Variants in RABL6 observed in about 807,000 individuals in gnomAD.
The protein encoded by RABL6 is RAB, member RAS oncogene family like 6, also known as rab-like protein 6.
RABL6 carries 28 observed loss-of-function variants against 72.9 expected under a neutral mutation model. The ratio of observed to expected loss-of-function variants is 0.38; its 90% confidence interval spans 0.28 to 0.53. The LOEUF is 0.53. RABL6 is among the 20% of genes least tolerant of loss of function. The pLI is 0.80. For synonymous variants in RABL6, 477 were observed against 421.2 expected, an observed-to-expected ratio of 1.13 and a Z score of -1.62; for missense variants, 1,029 against 1,008.4, an observed-to-expected ratio of 1.02 and a Z score of -0.28.
Position 136,808,205 on chromosome 9 carries a change from C to T in RABL6, c.9C>T (p.Ser3=), listed in dbSNP as rs1421139456. MF[S]ALKKLVGSDQ... is the part of the protein sequence containing the mutation. ...GACGTCCGAGCGGGAAGATGTTTTC[C>T]GCCCTGAAGAAGCTGGTGGGGTCGG... The change falls in exon 1 of 15, where the codon TCC becomes TCT. Residue 3 remains serine (S), a synonymous_variant. Coordinates refer to ENST00000311502, the MANE Select transcript of RABL6 (RefSeq NM_024718.5). The T allele has an allele frequency of 3.9e-6, 6 of 1,537,254 alleles. No individual in the cohort carries two copies. The highest frequency in any genetic ancestry group is 2.0e-5 in the Admixed American group (1 of 50,142).
Position 136,808,081 on chromosome 9 carries a change from G to T in RABL6, c.-116G>T. The T allele has an allele frequency of 8.6e-7, 1 of 1,167,522 alleles. No homozygotes were observed. 72.3% of individuals were successfully genotyped at this position (1,167,522 alleles called of 1,614,324 possible). On this transcript the variant is annotated 5_prime_UTR_variant, in exon 1 of 15. Transcript: ENST00000311502. Reference sequence around the variant, plus strand: ...CGCCGGGACCCCGGCCTCTGGCCGCGCCGGCTCCGGCCTCCGGGGGGGCCG... The same window carrying T: ...CGCCGGGACCCCGGCCTCTGGCCGCTCCGGCTCCGGCCTCCGGGGGGGCCG...
rs781271697 is a variant in RABL6 at position 136,840,516 on chromosome 9, G to GCTCTAGGCC, written c.2185_*3dup. The GCTCTAGGCC allele has an allele frequency of 1.2e-5, 18 of 1,540,468 alleles. No homozygotes were observed. The highest frequency in any genetic ancestry group is 2.1e-4 in the Middle Eastern group (1 of 4,738). ...ACCCTGGGGGTGGCGACTACGAGGA[G>GCTCTAGGCC]CTCTAGGCCGGCGTGGGCAGTGGCC... On this transcript the variant is annotated stop_gained and inframe_insertion, in exon 15 of 15. Transcript: ENST00000311502. LOFTEE classifies it high-confidence loss of function.
At chr9:136,810,977 G>A (rs1847999401) in intron 1 of RABL6, among the ~76,000 whole-genome samples, 1 of 152,230 alleles carries the variant, frequency 6.6e-6, no homozygotes, top group South Asian at 2.1e-4. Flanking sequence ...CTCCTCCTGG[G>A]CCCTGCATTT....
intron 4 of RABL6, 124 bp downstream of exon 4, chr9:136,828,670 T>C: frequency 3.0e-6 from 3 of 1,014,592 alleles, no homozygotes; most frequent in Non-Finnish European, 4.4e-6. Context: ...CGGGGGCCGC[T>C]GGCCTTCCCA....
intron 5 of RABL6, 37 bp from the exon 6 acceptor site, chr9:136,831,684 G>A (rs544893561): frequency 6.2e-7 from 1 of 1,610,530 alleles, no homozygotes; most frequent in African/African-American, 1.3e-5. Flanking sequence ...GGCGTCGCAG[G>A]GCTGAAACTA....
chr9:136,839,551 C>G (rs758307826), intron 12 of RABL6, 65 bp downstream of exon 12: 24 of 1,568,204 alleles, frequency 1.5e-5, no homozygotes, highest in Non-Finnish European at 2.0e-5. Context: ...CAGGCCTGAT[C>G]TGGGTGGGTG....
chr9:136,824,967 G>T (rs1193644511), intron 2 of RABL6, among the ~76,000 whole-genome samples: 1 of 152,262 alleles, frequency 6.6e-6, no homozygotes, highest in Non-Finnish European at 1.5e-5. Context: ...GCCTGGCTGT[G>T]TGAGGGCCCC....
At chr9:136,814,119 C>A in intron 1 of RABL6, 1 of 342,506 alleles carries the variant, frequency 2.9e-6, no homozygotes, top group South Asian at 2.6e-5. Flanking sequence ...AGTCAGATTT[C>A]CTTGTCATAC....
chr9:136,823,814 G>T (rs1472811717), intron 2 of RABL6, among the ~76,000 whole-genome samples, 155 bp downstream of exon 2: 1 of 152,236 alleles, frequency 6.6e-6, no homozygotes, highest in Admixed American at 6.5e-5. Flanking sequence ...TGAACTCTGG[G>T]GCTCTTTTGG....
chr9:136,822,335 C>CCTTCCCTGG (rs1165310812), intron 1 of RABL6, among the ~76,000 whole-genome samples: 1 of 152,122 alleles, frequency 6.6e-6, no homozygotes, highest in Non-Finnish European at 1.5e-5. Flanking sequence ...AACCCGGCTC[C>CCTTCCCTGG]CTTCCCTGGC....
chr9:136,820,839 C>T (rs1189861646), intron 1 of RABL6, among the ~76,000 whole-genome samples: 2 of 152,056 alleles, frequency 1.3e-5, no homozygotes, highest in East Asian at 3.8e-4. Context: ...AGAAAAATAT[C>T]AATGGAAATT....
chr9:136,823,394 CCTGGT>C, intron 1 of RABL6, 126 bp from the exon 2 acceptor site: 1 of 1,283,940 alleles, frequency 7.8e-7, no homozygotes, highest in Non-Finnish European at 1.1e-6. Flanking sequence ...CTGCCGGTCA[CCTGGT>C]CTGATTCTAG....
chr9:136,829,555 G>A, intron 5 of RABL6, 71 bp downstream of exon 5: 1 of 1,336,862 alleles, frequency 7.5e-7, no homozygotes, highest in Non-Finnish European at 1.0e-6. Flanking sequence ...CCCTCTTTGT[G>A]CAGCAGATAA....
In RABL6 at chr9:136,826,615, GGC is replaced by G. The variant is rs1222053359; in HGVS notation, c.313+790_313+791del. The G allele has an allele frequency of 1.3e-5, 2 of 152,252 alleles. No homozygotes were observed. Among genetic ancestry groups the G allele is most frequent in the Non-Finnish European group, 2.9e-5 (2 of 68,146 alleles). 9.4% of individuals were successfully genotyped at this position (152,252 alleles called of 1,614,324 possible). A position where few individuals can be genotyped will look rare whatever the true frequency, so the allele number is the denominator to read the frequency against. On this transcript the variant is annotated intron_variant, in intron 3 of 14. Transcript: ENST00000311502. This position sits in a 1 kb window ranked among gnomAD's most constrained non-coding sequence, Gnocchi z 4.9. ...TCATGCAGTTCCCGCAGGGGTGCTG[GGC>G]CCCTGCGGCTCCCACCACATTGCGC...
intron 7 of RABL6, 152 bp downstream of exon 7, chr9:136,832,522 C>T (rs1434308747): frequency 5.4e-6 from 4 of 739,940 alleles, no homozygotes; most frequent in African/African-American, 1.7e-5. Flanking sequence ...CGTTCTACTG[C>T]ACCTGCCTGC....
At chr9:136,818,752 A>C (rs551961504) in intron 1 of RABL6, among the ~76,000 whole-genome samples, 24 of 152,214 alleles carry the variant, frequency 1.6e-4, no homozygotes, top group Admixed American at 1.5e-3. Flanking sequence ...CAAAAAAAAA[A>C]AAGGAAAGAA....
At chr9:136,836,158 C>G (rs1309567127) in intron 8 of RABL6, 6 of 297,968 alleles carry the variant, frequency 2.0e-5, no homozygotes, top group Non-Finnish European at 1.3e-5. Context: ...GCTTGGCCTC[C>G]CAGATTGATG....
intron 7 of RABL6, chr9:136,833,766 T>G (rs1415254284): frequency 6.4e-7 from 1 of 1,550,476 alleles, no homozygotes; most frequent in Admixed American, 2.0e-5. Context: ...GTCGTCCTGG[T>G]GTCAGAAGAA....
In RABL6 at chr9:136,839,503, C is replaced by T. The variant is rs768102197; in HGVS notation, c.1758+17C>T. 3.8e-5 allele frequency: 60 copies of T among 1,599,234 alleles called. No homozygotes were observed. Among genetic ancestry groups the T allele is most frequent in the Middle Eastern group, 3.3e-4 (2 of 6,022 alleles). On this transcript the variant is annotated intron_variant, in intron 12 of 14. Transcript: ENST00000311502. ...CGCAGGGCGGTAAGACGAGTCCTCC[C>T]GGGGCAGAGGTCAGCCAGGTGGCCA... is the stretch of plus-strand genomic sequence containing the variant.
Sources: allele counts gnomAD v4.1 joint callset (sites outside exome capture counted in the v4.1 genomes callset), GRCh38; gene constraint gnomAD v4.1.1; non-coding constraint Gnocchi (gnomAD v3.1); transcripts MANE v1.5; gene names NCBI Gene and HGNC (gene_info 2026-07-23, HGNC 2026-07-21).